Variants in HECW1 observed in about 807,000 individuals in gnomAD.
HECW1 encodes the protein HECT, C2 and WW domain containing E3 ubiquitin protein ligase 1, also known as E3 ubiquitin-protein ligase HECW1.
In HECW1, 61 loss-of-function variants were observed where a neutral mutation model predicts 182.3. The ratio of observed to expected loss-of-function variants is 0.33; its 90% CI spans 0.27 to 0.41. The LOEUF is 0.41. Among genes scored for constraint, HECW1 ranks in the 10% least tolerant of loss-of-function variants. The probability of loss-of-function intolerance (pLI) is 1.00; values close to 1 mark genes in which losing one functional copy is unlikely to be tolerated. For synonymous variants in HECW1, 859 were observed against 832.6 expected (o/e 1.03, Z -0.55); for missense variants, 1,739 against 2,108.9 (o/e 0.82, Z 3.44).
At chr7:43,390,596 G>T (rs183615561) in intron 6 of HECW1, among the ~76,000 whole-genome samples, 2 of 149,102 alleles carry the variant, frequency 1.3e-5, no homozygotes, top group Admixed American at 6.6e-5. Flanking sequence ...AACAAAATAT[G>T]AGCAAAAGAG....
chr7:43,561,186 C>T (rs2082196407), intron 29 of HECW1, among the ~76,000 whole-genome samples: 1 of 152,208 alleles, frequency 6.6e-6, no homozygotes. Flanking sequence ...GGAGGAAGCA[C>T]ATGAAGCAAG....
chr7:43,276,103 G>A (rs1803109247), intron 3 of HECW1, among the ~76,000 whole-genome samples: 1 of 152,206 alleles, frequency 6.6e-6, no homozygotes, highest in Non-Finnish European at 1.5e-5. Flanking sequence ...GGCCCAGTGG[G>A]AAGATGTGAC....
In HECW1 at chr7:43,114,071, G is replaced by C. The variant is rs146753212; in HGVS notation, c.-266-86G>C. 35 of 423,458 alleles carry C rather than the reference G, an allele frequency of 8.3e-5. No individual in the cohort carries two copies. In the East Asian group the frequency reaches 1.6e-3, roughly 19 times the overall value. 26.2% of individuals were successfully genotyped at this position (423,458 alleles called of 1,614,324 possible). A position where few individuals can be genotyped will look rare whatever the true frequency, so the allele number is the denominator to read the frequency against. Reference sequence around the variant, plus strand: ...CTAGTTGCCGAAGAAGATATTATTTGACGTTGCTGTAGTTTTGTGCTTACT... The same window carrying C: ...CTAGTTGCCGAAGAAGATATTATTTCACGTTGCTGTAGTTTTGTGCTTACT... On this transcript the variant is annotated intron_variant, in intron 1 of 29. Coordinates refer to ENST00000395891, the MANE Select transcript of HECW1 (RefSeq NM_015052.5).
chr7:43,378,947 C>T (rs1038553292), intron 6 of HECW1, among the ~76,000 whole-genome samples: 3 of 152,090 alleles, frequency 2.0e-5, no homozygotes, highest in African/African-American at 7.2e-5. Flanking sequence ...ATAGGGACAA[C>T]CTACCTTCCA....
At chr7:43,418,278 G>A (rs2076076740) in intron 8 of HECW1, among the ~76,000 whole-genome samples, 1 of 152,174 alleles carries the variant, frequency 6.6e-6, no homozygotes, top group Non-Finnish European at 1.5e-5. Context: ...CAGGGTCTTA[G>A]ACTTCAGCAT....
intron 2 of HECW1, among the ~76,000 whole-genome samples, chr7:43,129,025 T>C (rs1157295448): frequency 6.6e-6 from 1 of 152,206 alleles, no homozygotes; most frequent in Non-Finnish European, 1.5e-5. Flanking sequence ...GAAAGTGATT[T>C]CTTGAGATGA....
intron 28 of HECW1, among the ~76,000 whole-genome samples, chr7:43,553,273 A>G (rs1037378077): frequency 2.0e-5 from 3 of 152,166 alleles, no homozygotes; most frequent in Non-Finnish European, 2.9e-5. Context: ...GAGAAATCCC[A>G]TCAATACAGT....
chr7:43,258,365 A>G (rs1800809749), intron 3 of HECW1, among the ~76,000 whole-genome samples: 1 of 126,012 alleles, frequency 7.9e-6, no homozygotes, highest in South Asian at 2.3e-4. Flanking sequence ...AATAAAAAAA[A>G]TAAAAAAATA....
chr7:43,113,348 T>C (rs1232681181), intron 1 of HECW1, among the ~76,000 whole-genome samples: 3 of 150,328 alleles, frequency 2.0e-5, no homozygotes, highest in African/African-American at 7.3e-5. Flanking sequence ...GAACCAAAGC[T>C]CTGGATTTGC....
intron 4 of HECW1, among the ~76,000 whole-genome samples, chr7:43,314,272 C>T (rs560491503): frequency 6.6e-6 from 1 of 152,308 alleles, no homozygotes; most frequent in South Asian, 2.1e-4. Flanking sequence ...GAGGGACGTG[C>T]GTCCACAGTG....
At chr7:43,552,398 G>A in intron 28 of HECW1, 62 bp downstream of exon 28, 1 of 1,092,164 alleles carries the variant, frequency 9.2e-7, no homozygotes, top group Non-Finnish European at 1.4e-6. Flanking sequence ...CTTTCCAAAA[G>A]ATTGTTTTGT....
chr7:43,218,368 T>G (rs1368559557), intron 2 of HECW1, among the ~76,000 whole-genome samples: 1 of 152,174 alleles, frequency 6.6e-6, no homozygotes, highest in Non-Finnish European at 1.5e-5. Flanking sequence ...GGTATTTTTT[T>G]CCAAACAAGA....
At chr7:43,348,391 G>T (rs1562869481) in intron 5 of HECW1, among the ~76,000 whole-genome samples, 2 of 152,000 alleles carry the variant, frequency 1.3e-5, no homozygotes. Flanking sequence ...AAGGTTATTT[G>T]AATATTCTCT....
At chr7:43,240,477 C>A (rs1397673941) in intron 2 of HECW1, among the ~76,000 whole-genome samples, 2 of 152,148 alleles carry the variant, frequency 1.3e-5, no homozygotes, top group Non-Finnish European at 2.9e-5. Flanking sequence ...AGGAGGGAAG[C>A]AAAACAATGA....
intron 8 of HECW1, among the ~76,000 whole-genome samples, chr7:43,418,622 T>C (rs760705138): frequency 3.3e-5 from 5 of 152,340 alleles, no homozygotes; most frequent in Non-Finnish European, 7.3e-5. Flanking sequence ...ATGAATATTT[T>C]CAGATATCAG....
At chr7:43,485,107 C>A (rs1228618754) in intron 17 of HECW1, among the ~76,000 whole-genome samples, 1 of 151,848 alleles carries the variant, frequency 6.6e-6, no homozygotes, top group Non-Finnish European at 1.5e-5. Flanking sequence ...AGGTACACAC[C>A]GAAAAAAAAG....
intron 7 of HECW1, among the ~76,000 whole-genome samples, chr7:43,403,508 C>A (rs2075498415): frequency 1.3e-5 from 2 of 152,130 alleles, no homozygotes; most frequent in Admixed American, 6.5e-5. Flanking sequence ...GGAAGAGGGA[C>A]ACCTTTGTAA....
At chr7:43,113,996 C>G in intron 1 of HECW1, 161 bp from the exon 2 acceptor site, 1 of 332,592 alleles carries the variant, frequency 3.0e-6, no homozygotes, top group East Asian at 5.1e-5. Context: ...CCGGGCACAG[C>G]GCGCCTCAGT....
intron 2 of HECW1, among the ~76,000 whole-genome samples, chr7:43,129,804 T>C (rs1415645168): frequency 6.6e-6 from 1 of 152,214 alleles, no homozygotes; most frequent in East Asian, 1.9e-4. Flanking sequence ...GTCGCTGGTA[T>C]ACGATGGTGT....
Sources: gnomAD v4.1 joint callset for allele counts (sites outside exome capture counted in the v4.1 genomes callset) on GRCh38, gnomAD v4.1.1 for gene constraint, MANE v1.5 for transcripts, NCBI Gene and HGNC (gene_info 2026-07-23, HGNC 2026-07-21) for gene names.